Variants in PHIP observed in about 807,000 individuals in gnomAD.
The protein encoded by PHIP is PH-interacting protein.
A neutral mutation model predicts 236.8 loss-of-function variants in PHIP; 54 were observed. The observed-to-expected ratio is 0.23, with a 90% CI of 0.18 to 0.29. PHIP has a LOEUF of 0.29. Ranked by LOEUF, PHIP falls within the 10% of genes least tolerant of loss-of-function variation. PHIP has a pLI of 1.00. For synonymous variants in PHIP, 756 were observed against 718.9 expected, an observed-to-expected ratio of 1.05 and a Z score of -0.83; for missense variants, 1,370 against 2,190.8, an observed-to-expected ratio of 0.63 and a Z score of 7.48.
chr6:79,062,934 AC>A (rs1332375011), intron 4 of PHIP, among the ~76,000 whole-genome samples: 1 of 152,064 alleles, frequency 6.6e-6, no homozygotes, highest in Non-Finnish European at 1.5e-5. Flanking sequence ...CCCTTTTTGG[AC>A]ACTTTGTGTT....
At chr6:79,061,700 T>G (rs1454018511) in intron 4 of PHIP, among the ~76,000 whole-genome samples, 1 of 152,140 alleles carries the variant, frequency 6.6e-6, no homozygotes, top group Non-Finnish European at 1.5e-5. Context: ...TACCAATAGA[T>G]TATAAGCTAC....
intron 15 of PHIP, among the ~76,000 whole-genome samples, chr6:79,013,459 T>C (rs571577543): frequency 5.3e-5 from 8 of 150,934 alleles, no homozygotes; most frequent in African/African-American, 2.0e-4. Context: ...AAAAATATCC[T>C]CATCTAACAC....
chr6:79,033,625 T>A (rs972164581), intron 7 of PHIP, among the ~76,000 whole-genome samples: 4 of 152,166 alleles, frequency 2.6e-5, no homozygotes, highest in South Asian at 4.1e-4. Flanking sequence ...TGGATTAGCC[T>A]TTGGCTTAAA....
chr6:79,067,682 C>A (rs1368167137), intron 4 of PHIP: 2 of 152,548 alleles, frequency 1.3e-5, no homozygotes, highest in African/African-American at 2.4e-5. Context: ...TTTACCACCC[C>A]CTGATCGAAA....
At chr6:78,999,886 G>A (rs1446296802) in intron 17 of PHIP, among the ~76,000 whole-genome samples, 1 of 152,102 alleles carries the variant, frequency 6.6e-6, no homozygotes, top group East Asian at 1.9e-4. Flanking sequence ...AGAAGTAAAA[G>A]TTCAAATGTC....
chr6:78,964,466 T>C (rs182838034), intron 29 of PHIP, among the ~76,000 whole-genome samples: 5 of 152,314 alleles, frequency 3.3e-5, no homozygotes. Flanking sequence ...AAAGATCTTA[T>C]TTATTTTTAT....
intron 15 of PHIP, among the ~76,000 whole-genome samples, chr6:79,007,469 T>C (rs1198412594): frequency 1.3e-5 from 2 of 152,074 alleles, no homozygotes; most frequent in Non-Finnish European, 1.5e-5. Context: ...GCAGAATGCA[T>C]ACTAAAATTC....
rs75571915 is a variant in PHIP at position 78,970,260 on chromosome 6, G to T, written c.2998-87C>A. ...AAACATTGTTGAGAAAAAACTTCTT[G>T]GTTTAAATCTTGATCTGGATGGTGA... On this transcript the variant is annotated intron_variant, in intron 25 of 39. Transcript: ENST00000275034. 5.2e-6 allele frequency: 6 copies of T among 1,159,140 alleles called. No individual in the cohort carries two copies. The South Asian group carries it at 8.6e-5, about 17-fold the overall frequency. The allele number at this position is 1,159,140 out of a possible 1,614,324, so 71.8% of individuals were successfully genotyped here. A position where few individuals can be genotyped will look rare whatever the true frequency, so the allele number is the denominator to read the frequency against.
chr6:79,074,431 T>TA (rs1452900428), intron 4 of PHIP, among the ~76,000 whole-genome samples: 3 of 152,004 alleles, frequency 2.0e-5, no homozygotes, highest in Non-Finnish European at 4.4e-5. Flanking sequence ...AACTAAGAAA[T>TA]AAACAAATGA....
At chr6:79,057,114 T>A (rs1308110477) in intron 6 of PHIP, among the ~76,000 whole-genome samples, 1 of 152,150 alleles carries the variant, frequency 6.6e-6, no homozygotes, top group African/African-American at 2.4e-5. Context: ...TAGGTATTTT[T>A]AAGTTTGAGA....
intron 30 of PHIP, among the ~76,000 whole-genome samples, chr6:78,962,807 A>AT (rs1466232244): frequency 6.6e-6 from 1 of 152,252 alleles, no homozygotes. Context: ...CAGCCTGAAT[A>AT]TGTCAAGTGT....
At chr6:79,075,187 G>C (rs1774087584) in intron 4 of PHIP, among the ~76,000 whole-genome samples, 5 of 152,082 alleles carry the variant, frequency 3.3e-5, no homozygotes, top group Admixed American at 3.3e-4. Flanking sequence ...AAAAAATCCA[G>C]TGTTCCAAAT....
chr6:79,020,180 C>CT (rs1480773815), intron 9 of PHIP, among the ~76,000 whole-genome samples: 1 of 151,274 alleles, frequency 6.6e-6, no homozygotes, highest in African/African-American at 2.4e-5. Context: ...TAAAAAAAAG[C>CT]TTTTTACCAT....
At chr6:78,943,991 A>T (rs534080465) in intron 39 of PHIP, among the ~76,000 whole-genome samples, 21 of 79,390 alleles carry the variant, frequency 2.6e-4, no homozygotes, top group African/African-American at 7.6e-4. Context: ...GTCTTTTTTT[A>T]AAAAAAAAAA....
rs758117469 is a variant in PHIP at position 78,982,976 on chromosome 6, T to C, written c.2679A>G (p.Lys893=). The C allele has an allele frequency of 1.2e-6, 2 of 1,609,130 alleles. No homozygotes were observed. The highest frequency in any genetic ancestry group is 8.5e-7 in the Non-Finnish European group (1 of 1,176,994). The change falls in exon 23 of 40, where the codon AAA becomes AAG. Residue 893 remains lysine (K), a synonymous_variant. Transcript: ENST00000275034. The part of the protein sequence containing the change: ...EEEESEKQKQ[K]QIKKEKKKVN... ...CTTTTTTCTTTTCCTTTTTAATCTG[T>C]TTTTGCTTCTGTTTTTCAGATTCTT...
In PHIP at chr6:79,010,042, T is replaced by A. The variant is rs149416348; in HGVS notation, c.1524+5040A>T. Among the ~76,000 whole-genome samples, 474 of 150,746 alleles carry A rather than the reference T, an allele frequency of 3.1e-3. 2 individuals carry two copies. The highest frequency in any genetic ancestry group is 0.01 in the African/African-American group (419 of 40,960). On this transcript the variant is annotated intron_variant, in intron 15 of 39. Coordinates refer to ENST00000275034, the MANE Select transcript of PHIP (RefSeq NM_017934.7). The stretch of plus-strand genomic sequence containing the variant: ...GTATAAATATAGGACATTATCTTGT[T>A]AGATGATGATAGGAAGAAAGAAGGA...
intron 7 of PHIP, among the ~76,000 whole-genome samples, chr6:79,039,645 C>G (rs1772112339): frequency 6.6e-6 from 1 of 152,054 alleles, no homozygotes; most frequent in Non-Finnish European, 1.5e-5. Flanking sequence ...AACTCATTTT[C>G]TTTATTATAC....
chr6:78,991,754 A>G (rs935369936), intron 19 of PHIP, among the ~76,000 whole-genome samples: 3 of 152,072 alleles, frequency 2.0e-5, no homozygotes, highest in African/African-American at 7.2e-5. Flanking sequence ...TAACGGCACA[A>G]TCTCCATTGT....
intron 1 of PHIP, 46 bp downstream of exon 1, chr6:79,077,983 G>C: frequency 6.2e-7 from 1 of 1,602,400 alleles, no homozygotes; most frequent in South Asian, 1.1e-5. Flanking sequence ...GGGGACCGCG[G>C]GCGGAATCGC....
Sources: allele counts gnomAD v4.1 joint callset (sites outside exome capture counted in the v4.1 genomes callset), GRCh38; gene constraint gnomAD v4.1.1; transcripts MANE v1.5; gene names NCBI Gene and HGNC (gene_info 2026-07-23, HGNC 2026-07-21).